The following SLC9C1 variants were observed in gnomAD, a reference collection of about 807,000 sequenced individuals.
SLC9C1 encodes solute carrier family 9 member C1.
SLC9C1 carries 97 observed loss-of-function variants against 140.9 expected under a neutral mutation model. That is an observed-to-expected ratio of 0.69 (90% CI 0.58 to 0.82). The LOEUF (loss-of-function observed/expected upper bound fraction) is 0.82. Among genes scored for constraint, SLC9C1 ranks in the 40% least tolerant of loss-of-function variants. The pLI is 0.00. For synonymous variants in SLC9C1, 440 were observed against 442.6 expected, an observed-to-expected ratio of 0.99 and a Z score of 0.07; for missense variants, 1,340 against 1,389.3, an observed-to-expected ratio of 0.96 and a Z score of 0.56.
At chr3:112,243,927 T>C (rs13089316) in intron 11 of SLC9C1, 68 bp downstream of exon 11, 382,146 of 1,101,378 alleles carry the variant, frequency 0.35, 68,552 homozygotes, top group East Asian at 0.44. Context: ...CTTTCTTTAT[T>C]ATTAGCACTT....
chr3:112,215,249 A>G (rs1344374844), intron 15 of SLC9C1, among the ~76,000 whole-genome samples: 3 of 152,240 alleles, frequency 2.0e-5, no homozygotes, highest in Non-Finnish European at 2.9e-5. Flanking sequence ...CACAGCCAAT[A>G]TCATACTGAA....
At chr3:112,254,127 A>G (rs1559718710) in intron 10 of SLC9C1, among the ~76,000 whole-genome samples, 2 of 152,220 alleles carry the variant, frequency 1.3e-5, no homozygotes, top group Admixed American at 6.5e-5. Flanking sequence ...GCATCCCTGC[A>G]AGGAATGAGG....
chr3:112,216,528 C>T (rs2078375032), intron 15 of SLC9C1, among the ~76,000 whole-genome samples: 1 of 150,776 alleles, frequency 6.6e-6, no homozygotes, highest in African/African-American at 2.4e-5. Flanking sequence ...CAAACAACCC[C>T]ATCAAAAAGT....
intron 5 of SLC9C1, among the ~76,000 whole-genome samples, chr3:112,277,037 T>C (rs991253823): frequency 6.6e-6 from 1 of 152,152 alleles, no homozygotes; most frequent in African/African-American, 2.4e-5. Flanking sequence ...GGTTGCCATA[T>C]TAATATTCTA....
intron 11 of SLC9C1, among the ~76,000 whole-genome samples, chr3:112,241,511 G>A (rs1211363737): frequency 1.3e-5 from 2 of 152,090 alleles, no homozygotes; most frequent in African/African-American, 4.8e-5. Context: ...TCATTAAAAT[G>A]GCCACATTAT....
intron 8 of SLC9C1, among the ~76,000 whole-genome samples, chr3:112,264,676 CCTT>C (rs1214100067): frequency 6.6e-6 from 1 of 151,810 alleles, no homozygotes; most frequent in Non-Finnish European, 1.5e-5. Flanking sequence ...AGATGGTACA[CCTT>C]CTATGTTAAA....
chr3:112,274,391 G>A (rs1023041209), intron 6 of SLC9C1, among the ~76,000 whole-genome samples: 1 of 152,120 alleles, frequency 6.6e-6, no homozygotes, highest in Non-Finnish European at 1.5e-5. Context: ...AGCGGTAAAT[G>A]AAACAGCTCA....
rs773528476 is a variant in SLC9C1 at position 112,239,908 on chromosome 3, C to A, written c.1378G>T (p.Asp460Tyr). Reference protein sequence around the residue: ...TKSAASALKFDKDLANADWNM... With the variant: ...TKSAASALKFYKDLANADWNM... ...CAATCAGCATTAGCAAGATCTTTGT[C>A]AAATTTAAGGGCAGAGGCTGCAGAC... The change falls in exon 12 of 29, where the codon GAC becomes TAC. Residue 460 changes from aspartate to tyrosine, a missense_variant. Asp to Tyr is a radical substitution (Grantham distance 160, BLOSUM62 -3). Coordinates refer to ENST00000305815, the MANE Select transcript of SLC9C1 (RefSeq NM_183061.3). The A allele has an allele frequency of 6.2e-7, 1 of 1,613,884 alleles. No individual in the cohort carries two copies. Among genetic ancestry groups the A allele is most frequent in the South Asian group, 1.1e-5 (1 of 91,048 alleles).
intron 22 of SLC9C1, 50 bp downstream of exon 22, chr3:112,180,514 A>G: frequency 6.8e-7 from 1 of 1,479,442 alleles, no homozygotes; most frequent in South Asian, 1.2e-5. Context: ...CAAGAGAGAA[A>G]CTCTGTCTCA....
intron 23 of SLC9C1, among the ~76,000 whole-genome samples, chr3:112,172,944 G>T (rs2077272879): frequency 6.6e-6 from 1 of 151,894 alleles, no homozygotes; most frequent in Admixed American, 6.6e-5. Context: ...GATTCAACTT[G>T]CTAGTATCTT....
intron 1 of SLC9C1, among the ~76,000 whole-genome samples, chr3:112,290,294 A>G (rs1236109250): frequency 6.6e-6 from 1 of 152,222 alleles, no homozygotes; most frequent in Non-Finnish European, 1.5e-5. Context: ...AACTAAGAAT[A>G]CATGTTCCCA....
At chr3:112,271,890 TA>T (rs2080087952) in intron 6 of SLC9C1, among the ~76,000 whole-genome samples, 1 of 152,130 alleles carries the variant, frequency 6.6e-6, no homozygotes, top group African/African-American at 2.4e-5. Flanking sequence ...TTGCAATGTA[TA>T]TTTCTGTACA....
At chr3:112,254,049 T>G (rs1390144668) in intron 10 of SLC9C1, among the ~76,000 whole-genome samples, 3 of 152,128 alleles carry the variant, frequency 2.0e-5, no homozygotes, top group Non-Finnish European at 2.9e-5. Context: ...GAAAAAAGAA[T>G]GAAAAAGTTT....
intron 15 of SLC9C1, among the ~76,000 whole-genome samples, chr3:112,213,982 A>G (rs957037675): frequency 2.0e-5 from 3 of 152,226 alleles, no homozygotes; most frequent in African/African-American, 4.8e-5. Flanking sequence ...AGCAAATGTA[A>G]AAGAACAGAA....
rs1231675113 is a variant in SLC9C1, at chr3:112,208,204, G to C, written c.1960C>G (p.Leu654Val). The change falls in exon 16 of 29, where the codon CTT becomes GTT. Residue 654 changes from leucine (L) to valine (V), a missense_variant. Transcript: ENST00000305815. ...TTAAGTAGTGCCTCTAGAATATAAAGTGTAAGAAAACAGTAGTTAGTGTGT... is the reference window on the plus strand; with the variant it reads ...TTAAGTAGTGCCTCTAGAATATAAACTGTAAGAAAACAGTAGTTAGTGTGT... ...LKHTNYCFLT[L>V]YILEALLKIA... 6.2e-7 allele frequency: 1 copy of C among 1,609,496 alleles called. No individual in the cohort carries two copies. The highest frequency in any genetic ancestry group is 1.1e-5 in the South Asian group (1 of 90,514).
At chr3:112,201,708 G>A (rs1323528130) in intron 18 of SLC9C1, among the ~76,000 whole-genome samples, 1 of 151,730 alleles carries the variant, frequency 6.6e-6, no homozygotes, top group East Asian at 1.9e-4. Context: ...ACCTCTCTTG[G>A]CCTCCTTTTT....
At chr3:112,266,215 G>C (rs370230071) in intron 8 of SLC9C1, 23 bp downstream of exon 8, 4 of 1,502,242 alleles carry the variant, frequency 2.7e-6, no homozygotes, top group African/African-American at 1.4e-5. Flanking sequence ...ATGAAATAAA[G>C]TCAAAATATG....
rs11369523 is a variant in SLC9C1 at position 112,155,055 on chromosome 3, T to TAAA, written c.3365-9_3365-7dup. 2,841 of 1,399,430 alleles carry TAAA rather than the reference T, an allele frequency of 2.0e-3. No individual in the cohort carries two copies. The highest frequency in any genetic ancestry group is 8.9e-3 in the South Asian group (673 of 75,388). The allele number at this position is 1,399,430 out of a possible 1,614,324, so 86.7% of individuals were successfully genotyped here. A position where few individuals can be genotyped will look rare whatever the true frequency, so the allele number is the denominator to read the frequency against. The stretch of plus-strand genomic sequence containing the variant: ...TTCCAATGTTCCAACTGAACCTGAT[T>TAAA]AAAAAAAAAAAAAACAGTGTTAATT... On this transcript the variant is annotated splice_polypyrimidine_tract_variant and splice_region_variant and intron_variant, in intron 26 of 28. Coordinates refer to ENST00000305815, the MANE Select transcript of SLC9C1 (RefSeq NM_183061.3).
chr3:112,277,677 A>G lies in SLC9C1; in HGVS notation c.484+18T>C, dbSNP rs757707320. On this transcript the variant is annotated intron_variant, in intron 5 of 28. Transcript: ENST00000305815. ...AATATGATATTATAAATATAGAAAAAGAGAACAATATACCTACCAAGGTCT... is the reference window on the plus strand; with the variant it reads ...AATATGATATTATAAATATAGAAAAGGAGAACAATATACCTACCAAGGTCT... 1.3e-6 allele frequency: 2 copies of G among 1,500,176 alleles called. No individual in the cohort carries two copies. The highest frequency in any genetic ancestry group is 1.8e-6 in the Non-Finnish European group (2 of 1,125,744). The allele number at this position is 1,500,176 out of a possible 1,614,324, so 92.9% of individuals were successfully genotyped here.
Sources: gnomAD v4.1 joint callset for allele counts (sites outside exome capture counted in the v4.1 genomes callset) on GRCh38, gnomAD v4.1.1 for gene constraint, MANE v1.5 for transcripts, NCBI Gene and HGNC (gene_info 2026-07-23, HGNC 2026-07-21) for gene names.